The following BAZ2B variants were observed in gnomAD, a reference collection of about 807,000 sequenced individuals.
The protein encoded by BAZ2B is bromodomain adjacent to zinc finger domain protein 2B.
BAZ2B carries 91 observed loss-of-function variants against 246.0 expected under a neutral mutation model. The ratio of observed to expected loss-of-function variants is 0.37; its 90% CI spans 0.31 to 0.44. The LOEUF is 0.44. Ranked by LOEUF, BAZ2B falls within the 20% of genes least tolerant of loss-of-function variation. The probability of loss-of-function intolerance (pLI) is 1.00; values close to 1 mark genes in which losing one functional copy is unlikely to be tolerated. For missense variants in BAZ2B, 2,332 were observed against 2,533.7 expected (o/e 0.92, Z 1.71); for synonymous variants, 855 against 860.0 (o/e 0.99, Z 0.10).
intron 1 of BAZ2B, among the ~76,000 whole-genome samples, chr2:159,565,091 G>A (rs547690688): frequency 2.0e-5 from 3 of 152,172 alleles, no homozygotes; most frequent in Non-Finnish European, 2.9e-5. Context: ...GGCTGGTCTC[G>A]AACTCCTGAC....
At chr2:159,324,054 A>G (rs1447302007) in intron 36 of BAZ2B, among the ~76,000 whole-genome samples, 1 of 152,230 alleles carries the variant, frequency 6.6e-6, no homozygotes, top group Non-Finnish European at 1.5e-5. Context: ...GATGCTGATC[A>G]TTATAAGTTC....
intron 3 of BAZ2B, chr2:159,464,326 G>A (rs564705302): frequency 1.3e-5 from 2 of 152,086 alleles, no homozygotes; most frequent in African/African-American, 2.4e-5. Flanking sequence ...TGTTTGTTAT[G>A]ACTTTAATAC....
chr2:159,657,686 A>G, the BAZ2B span, among the ~76,000 whole-genome samples: 5 of 152,184 alleles, frequency 3.3e-5, no homozygotes, highest in Non-Finnish European at 5.9e-5. Flanking sequence ...ACTTTGTCAG[A>G]TTTATATCTA....
At chr2:159,361,104 A>T (rs1576078773) in intron 27 of BAZ2B, among the ~76,000 whole-genome samples, 1 of 152,194 alleles carries the variant, frequency 6.6e-6, no homozygotes, top group Non-Finnish European at 1.5e-5. Context: ...GACAAATGGG[A>T]TCTAATTAAA....
intron 2 of BAZ2B, among the ~76,000 whole-genome samples, chr2:159,495,516 AT>A (rs754309258): frequency 2.7e-4 from 37 of 139,620 alleles, no homozygotes; most frequent in East Asian, 1.5e-3. Context: ...AAAAAAAAAA[AT>A]TTAATATGAA....
chr2:159,327,805 T>G (rs1235181283), intron 34 of BAZ2B, among the ~76,000 whole-genome samples: 2 of 152,176 alleles, frequency 1.3e-5, no homozygotes, highest in African/African-American at 2.4e-5. Context: ...AACTCACGCC[T>G]GTAATCCCAG....
chr2:159,412,607 A>G (rs1489329793), intron 13 of BAZ2B, 62 bp from the exon 14 acceptor site: 1 of 1,446,128 alleles, frequency 6.9e-7, no homozygotes, highest in Non-Finnish European at 9.4e-7. Context: ...AGAGATCAAC[A>G]TGTAAGAAAA....
chr2:159,613,428 T>C (rs1378667997), intron 1 of BAZ2B, among the ~76,000 whole-genome samples: 2 of 148,298 alleles, frequency 1.3e-5, no homozygotes, highest in East Asian at 2.0e-4. Context: ...ATAAATAACT[T>C]TGTATTTTTA....
chr2:159,453,844 C>T, intron 3 of BAZ2B, 43 bp from the exon 4 acceptor site: 1 of 1,446,876 alleles, frequency 6.9e-7, no homozygotes, highest in South Asian at 1.6e-5. Flanking sequence ...CTATAAAAAA[C>T]AGATGAGACT....
At chr2:159,614,306 T>C (rs574369748) in intron 1 of BAZ2B, among the ~76,000 whole-genome samples, 12 of 152,334 alleles carry the variant, frequency 7.9e-5, no homozygotes, top group Admixed American at 6.5e-4. Flanking sequence ...AAAGAGTTTA[T>C]AGCTAGCGAT....
At chr2:159,550,837 GA>G (rs1264721835) in intron 2 of BAZ2B, among the ~76,000 whole-genome samples, 10 of 151,342 alleles carry the variant, frequency 6.6e-5, no homozygotes, top group Non-Finnish European at 1.2e-4. Flanking sequence ...GAGAAAAATA[GA>G]AAAAAAAATT....
rs532564923 is a variant in BAZ2B, at chr2:159,578,968, C to T, written c.-45-23103G>A. Among the ~76,000 whole-genome samples the T allele has an allele frequency of 1.3e-4, 20 of 152,196 alleles. No homozygotes were observed. In the South Asian group the frequency reaches 4.1e-3, roughly 32 times the overall value. On this transcript the variant is annotated intron_variant, in intron 1 of 36. Transcript: ENST00000392783. The stretch of plus-strand genomic sequence containing the variant: ...ATAGCACTAAATGCCCATGAGAAAG[C>T]AGGAAAGATCTAAAATTGACACCCT...
At chr2:159,551,640 T>A (rs1218967537) in intron 2 of BAZ2B, among the ~76,000 whole-genome samples, 1 of 151,990 alleles carries the variant, frequency 6.6e-6, no homozygotes, top group Non-Finnish European at 1.5e-5. Flanking sequence ...AGACAGAGGA[T>A]TAAGGGAGAT....
the BAZ2B span, among the ~76,000 whole-genome samples, chr2:159,666,685 G>A: frequency 1.7e-4 from 26 of 152,168 alleles, no homozygotes; most frequent in Middle Eastern, 6.8e-3. Context: ...ACAAAACCCC[G>A]TCTCTACTAA....
the BAZ2B span, among the ~76,000 whole-genome samples, chr2:159,631,233 A>G: frequency 3.3e-5 from 5 of 152,160 alleles, no homozygotes; most frequent in Non-Finnish European, 2.9e-5. Context: ...AAAAAAATGA[A>G]TATGTTGGTG....
At position 159,519,210 on chromosome 2, in the gene BAZ2B, C is replaced by CTTTTTTTTTTTTT. The variant is rs564614568; in HGVS notation, c.-3+36600_-3+36612dup. On this transcript the variant is annotated intron_variant, in intron 2 of 36. Coordinates refer to ENST00000392783, the MANE Select transcript of BAZ2B (RefSeq NM_013450.4). Reference sequence around the variant, plus strand: ...AAATTCCAACTTCATATTCTATTTTCTTTTTTTTTTTTTTTTTTTTTTTTT... The same window carrying CTTTTTTTTTTTTT: ...AAATTCCAACTTCATATTCTATTTTCTTTTTTTTTTTTTTTTTTTTTTTTTTTTTTTTTTTTTT... 3.4e-3 allele frequency among the ~76,000 whole-genome samples: 195 copies of CTTTTTTTTTTTTT among 57,772 alleles called. 33 individuals carry two copies. Among genetic ancestry groups the CTTTTTTTTTTTTT allele is most frequent in the Non-Finnish European group, 5.0e-3 (147 of 29,634 alleles). 37.9% of individuals were successfully genotyped at this position (57,772 alleles called of 152,430 possible). A position where few individuals can be genotyped will look rare whatever the true frequency, so the allele number is the denominator to read the frequency against.
chr2:159,601,450 C>G lies in BAZ2B; in HGVS notation c.-46+14792G>C, dbSNP rs545289461. Among the ~76,000 whole-genome samples the G allele has an allele frequency of 1.4e-5, 2 of 146,544 alleles. 1 individual carries two copies. Among genetic ancestry groups the G allele is most frequent in the Non-Finnish European group, 3.0e-5 (2 of 67,232 alleles). On this transcript the variant is annotated intron_variant, in intron 1 of 36. Transcript: ENST00000392783. ...AAAGAAAAAAAAAAAAGGCTGGGTG[C>G]GGTGGCTCACGCCTGTAATCCCAGC...
the BAZ2B span, among the ~76,000 whole-genome samples, chr2:159,663,330 T>G: frequency 6.7e-6 from 1 of 149,710 alleles, no homozygotes; most frequent in Non-Finnish European, 1.5e-5. Flanking sequence ...GCCTCCCAAG[T>G]AGCTGGGATT....
intron 1 of BAZ2B, among the ~76,000 whole-genome samples, chr2:159,609,718 A>C (rs1269605512): frequency 6.6e-6 from 1 of 152,146 alleles, no homozygotes; most frequent in African/African-American, 2.4e-5. Context: ...TAAATATTTA[A>C]AATTGAACCT....
Sources: allele counts gnomAD v4.1 joint callset (sites outside exome capture counted in the v4.1 genomes callset), GRCh38; gene constraint gnomAD v4.1.1; transcripts MANE v1.5; gene names NCBI Gene and HGNC (gene_info 2026-07-23, HGNC 2026-07-21).